TOP3A: variants seen among roughly 807,000 people sequenced by gnomAD.
The protein encoded by TOP3A is DNA topoisomerase III alpha.
TOP3A carries 64 observed loss-of-function variants against 111.3 expected under a neutral mutation model. That is an observed-to-expected ratio of 0.57 (90% CI 0.47 to 0.71). The LOEUF is 0.71. TOP3A is among the 30% of genes least tolerant of loss of function. The probability of loss-of-function intolerance (pLI) is 0.00; values close to 1 mark genes in which losing one functional copy is unlikely to be tolerated. For synonymous variants in TOP3A, 484 were observed against 485.1 expected (o/e 1.00, Z 0.03); for missense variants, 1,104 against 1,285.0 (o/e 0.86, Z 2.15).
At chr17:18,303,050 A>C in intron 5 of TOP3A, 1 of 229,840 alleles carries the variant, frequency 4.4e-6, no homozygotes. Context: ...GTACTAAGAA[A>C]AATTGTTCTG....
At chr17:18,305,363 C>T in intron 4 of TOP3A, 143 bp from the exon 5 acceptor site, 1 of 684,108 alleles carries the variant, frequency 1.5e-6, no homozygotes, top group Non-Finnish European at 2.5e-6. Context: ...ACAGAGAAAA[C>T]TGCTCTCATT....
At chr17:18,297,588 G>T (rs1303335254) in intron 9 of TOP3A, among the ~76,000 whole-genome samples, 3 of 152,218 alleles carry the variant, frequency 2.0e-5, no homozygotes, top group African/African-American at 7.2e-5. Flanking sequence ...ACACCTGACT[G>T]GTTTTCGTAT....
intron 13 of TOP3A, among the ~76,000 whole-genome samples, chr17:18,289,129 C>T (rs1397431788): frequency 6.6e-6 from 1 of 152,222 alleles, no homozygotes; most frequent in Non-Finnish European, 1.5e-5. Context: ...TCTCCTGCCT[C>T]AGCCTCCCAA....
intron 16 of TOP3A, among the ~76,000 whole-genome samples, chr17:18,281,641 G>C (rs893110035): frequency 6.6e-6 from 1 of 152,180 alleles, no homozygotes; most frequent in Non-Finnish European, 1.5e-5. Context: ...TTCTGTCTGT[G>C]AGTGACGCGA....
chr17:18,285,098 G>C, intron 15 of TOP3A, 44 bp downstream of exon 15: 1 of 1,601,226 alleles, frequency 6.2e-7, no homozygotes, highest in Non-Finnish European at 8.5e-7. Flanking sequence ...AGACCAGCCT[G>C]GGCAACATAG....
rs757637425 is a variant in TOP3A at position 18,299,571 on chromosome 17, G to T, written c.978C>A (p.Ala326=). 3 of 1,613,912 alleles carry T rather than the reference G, an allele frequency of 1.9e-6. No individual in the cohort carries two copies. The highest frequency in any genetic ancestry group is 2.7e-5 in the African/African-American group (2 of 74,906). Residue 326 remains alanine, a synonymous_variant, in exon 9 of 19, where the codon GCC becomes GCA. Coordinates refer to ENST00000321105, the MANE Select transcript of TOP3A (RefSeq NM_004618.5). ...SKPKSKWRPQ[A]LDTVELEKLA... ...GTCTGGAACATACCACAGTGTCCAA[G>T]GCTTGAGGCCGCCACTTGCTCTTGG...
At chr17:18,275,344 CTTTTTT>C (rs71155327) in intron 18 of TOP3A, among the ~76,000 whole-genome samples, 41 of 77,142 alleles carry the variant, frequency 5.3e-4, no homozygotes, top group African/African-American at 1.1e-3. Flanking sequence ...GCTGAACCAA[CTTTTTT>C]TTTTTTTTTT....
At chr17:18,284,165 A>T (rs1979941492) in intron 15 of TOP3A, among the ~76,000 whole-genome samples, 1 of 146,468 alleles carries the variant, frequency 6.8e-6, no homozygotes, top group South Asian at 2.2e-4. Flanking sequence ...ATGCCTGGCT[A>T]ATTTTTGTAT....
chr17:18,280,438 G>C (rs1248293006), intron 17 of TOP3A, 98 bp downstream of exon 17: 7 of 1,428,362 alleles, frequency 4.9e-6, no homozygotes, highest in Non-Finnish European at 6.6e-6. Context: ...CAGGGCCTGA[G>C]TGGAATCCCC....
chr17:18,312,567 G>T, intron 1 of TOP3A: 1 of 177,648 alleles, frequency 5.6e-6, no homozygotes, highest in South Asian at 1.3e-4. Flanking sequence ...TGCTGTCACT[G>T]GGGAGGCAAT....
intron 9 of TOP3A, among the ~76,000 whole-genome samples, chr17:18,295,272 C>G (rs913342246): frequency 2.0e-5 from 3 of 152,148 alleles, no homozygotes; most frequent in African/African-American, 7.2e-5. Flanking sequence ...CCTGCTTCAG[C>G]CTCCCAAGTA....
chr17:18,308,422 A>ATTC lies in TOP3A; in HGVS notation c.241-1_242dup (p.Gln80_Asn81insLys). On this transcript the variant is annotated inframe_insertion and splice_region_variant, in exon 3 of 19. Transcript: ENST00000321105. Reference sequence around the variant, plus strand: ...AAACTGAAGTCATTACCATGGTAACATTCTGAATGATGACAAAATTCAAAA... The same window carrying ATTC: ...AAACTGAAGTCATTACCATGGTAACATTCTTCTGAATGATGACAAAATTCAAAA... The ATTC allele has an allele frequency of 6.3e-7, 1 of 1,588,726 alleles. No individual in the cohort carries two copies.
chr17:18,277,780 C>A lies in TOP3A; in HGVS notation c.2722G>T (p.Val908Leu). The change falls in exon 18 of 19, where the codon GTG (valine) becomes TTG (leucine). Residue 908 changes from valine to leucine, a missense_variant. By Grantham distance (32) the Val-to-Leu change is conservative. Coordinates refer to ENST00000321105, the MANE Select transcript of TOP3A (RefSeq NM_004618.5). ...LCSQPSVTRT[V>L]QKDGPNKGRQ... ...CCCTTGTTGGGTCCATCCTTCTGCA[C>A]AGTCCGTGTGACGGAGGGCTGGCTG... 6.2e-7 allele frequency: 1 copy of A among 1,614,232 alleles called. No individual in the cohort carries two copies. The highest frequency in any genetic ancestry group is 8.5e-7 in the Non-Finnish European group (1 of 1,180,044).
chr17:18,295,759 C>T (rs1329975722), intron 9 of TOP3A, among the ~76,000 whole-genome samples: 1 of 149,944 alleles, frequency 6.7e-6, no homozygotes, highest in East Asian at 2.0e-4. Context: ...GCGTCTGGCC[C>T]AGAAATCTAC....
intron 13 of TOP3A, among the ~76,000 whole-genome samples, chr17:18,288,731 T>C (rs1472555216): frequency 6.6e-6 from 1 of 152,188 alleles, no homozygotes; most frequent in African/African-American, 2.4e-5. Flanking sequence ...CCAGAAGTCT[T>C]ACTATGAGGT....
intron 15 of TOP3A, among the ~76,000 whole-genome samples, chr17:18,284,150 C>T (rs1049159519): frequency 2.0e-5 from 3 of 151,860 alleles, no homozygotes; most frequent in Non-Finnish European, 4.4e-5. Flanking sequence ...CAGGTACGCA[C>T]CACCATGCCT....
chr17:18,274,983 G>C lies in TOP3A; in HGVS notation c.2828-3C>G, dbSNP rs1176615826. The C allele has an allele frequency of 6.2e-7, 1 of 1,612,844 alleles. No homozygotes were observed. The highest frequency in any genetic ancestry group is 8.5e-7 in the Non-Finnish European group (1 of 1,179,512). On this transcript the variant is annotated splice_polypyrimidine_tract_variant and splice_region_variant and intron_variant, in intron 18 of 18. Coordinates refer to ENST00000321105, the MANE Select transcript of TOP3A (RefSeq NM_004618.5). ...CCAGGACGGGGCTCCAGAAGTCCCT[G>C]TCGGGAGAGTCAGGGGAGGGGTGAG...
chr17:18,292,533 T>C lies in TOP3A; in HGVS notation c.1281+112A>G, dbSNP rs1980542558. The C allele has an allele frequency of 1.3e-5, 13 of 1,009,750 alleles. No individual in the cohort carries two copies. In the South Asian group the frequency reaches 2.9e-4, roughly 22 times the overall value. 62.5% of individuals were successfully genotyped at this position (1,009,750 alleles called of 1,614,324 possible). On this transcript the variant is annotated intron_variant, in intron 11 of 18. Coordinates refer to ENST00000321105, the MANE Select transcript of TOP3A (RefSeq NM_004618.5). ...AGAGGATTGTGAAATGAGAGAGATC[T>C]CAAAATCACTTGTTTTTACAATCAC...
rs530623185 is a variant in TOP3A at position 18,302,127 on chromosome 17, G to A, written c.814+137C>T. ...CTGGATAACAAAGGGAACTTTAAGT[G>A]GATTGTAATGGGCCAGGGAGGATGA... is the stretch of plus-strand genomic sequence containing the variant. On this transcript the variant is annotated intron_variant, in intron 7 of 18. Coordinates refer to ENST00000321105, the MANE Select transcript of TOP3A (RefSeq NM_004618.5). 1.2e-5 allele frequency: 16 copies of A among 1,365,690 alleles called. No individual in the cohort carries two copies. In the East Asian group the frequency reaches 2.4e-4, roughly 21 times the overall value. 84.6% of individuals were successfully genotyped at this position (1,365,690 alleles called of 1,614,324 possible). A position where few individuals can be genotyped will look rare whatever the true frequency, so the allele number is the denominator to read the frequency against.
Sources: gnomAD v4.1 joint callset for allele counts (sites outside exome capture counted in the v4.1 genomes callset) on GRCh38, gnomAD v4.1.1 for gene constraint, MANE v1.5 for transcripts, NCBI Gene and HGNC (gene_info 2026-07-23, HGNC 2026-07-21) for gene names.